The following OR3A2 variants were observed in gnomAD, a reference collection of about 807,000 sequenced individuals.
The protein encoded by OR3A2 is olfactory receptor 3A2.
For missense variants in OR3A2, 318 were observed against 392.8 expected (o/e 0.81, Z 1.61); for synonymous variants, 126 against 159.3 (o/e 0.79, Z 1.57).
At chr17:3,385,847 T>G in intron 1 of OR3A2, 1 of 398,548 alleles carries the variant, frequency 2.5e-6, no homozygotes, top group East Asian at 3.6e-5. Flanking sequence ...AACCTCAACA[T>G]GCAGGAAGTC....
chr17:3,369,329 A>G (rs1314157425), intron 2 of OR3A2, among the ~76,000 whole-genome samples: 1 of 152,130 alleles, frequency 6.6e-6, no homozygotes, highest in African/African-American at 2.4e-5. Context: ...CTCAGGGGGA[A>G]GGCTTTCAAC....
At chr17:3,384,345 A>C (rs140940540) in intron 1 of OR3A2, among the ~76,000 whole-genome samples, 8 of 152,366 alleles carry the variant, frequency 5.3e-5, no homozygotes, top group African/African-American at 1.7e-4. Context: ...GATTTTGTGC[A>C]CTGAGGACAG....
intron 1 of OR3A2, among the ~76,000 whole-genome samples, chr17:3,280,413 A>T (rs1402120154): frequency 6.6e-6 from 1 of 151,764 alleles, no homozygotes; most frequent in Non-Finnish European, 1.5e-5. Context: ...CTGGGACTAC[A>T]GGCGCCCACC....
At position 3,334,555 on chromosome 17, in the gene OR3A2, G is replaced by A. The variant is rs139469781; in HGVS notation, c.-85+1478C>T. Among the ~76,000 whole-genome samples the A allele has an allele frequency of 9.0e-3, 1,373 of 152,124 alleles. 21 individuals carry two copies. The highest frequency in any genetic ancestry group is 0.031 in the African/African-American group (1,295 of 41,504). On this transcript the variant is annotated intron_variant, in intron 3 of 4. Transcript: ENST00000573491. Reference sequence around the variant, plus strand: ...TTCATGCCTCATTCTGGAAATTTCCGTCATTACTCTCTTTCCTCCCAAATG... The same window carrying A: ...TTCATGCCTCATTCTGGAAATTTCCATCATTACTCTCTTTCCTCCCAAATG...
intron 3 of OR3A2, among the ~76,000 whole-genome samples, chr17:3,330,157 GT>G (rs1285339431): frequency 6.6e-6 from 1 of 150,408 alleles, no homozygotes; most frequent in Non-Finnish European, 1.5e-5. Flanking sequence ...TGGAATAGGT[GT>G]GGTGTGGTGC....
At chr17:3,361,114 T>C (rs1362862445) in intron 2 of OR3A2, among the ~76,000 whole-genome samples, 2 of 151,474 alleles carry the variant, frequency 1.3e-5, no homozygotes, top group African/African-American at 4.9e-5. Context: ...TTTGTAGTTC[T>C]CCTTGAAGAG....
chr17:3,341,803 T>C (rs1043500737), intron 2 of OR3A2, among the ~76,000 whole-genome samples: 1 of 152,164 alleles, frequency 6.6e-6, no homozygotes, highest in African/African-American at 2.4e-5. Context: ...GAATTTGAAT[T>C]TTGGACTGCC....
At chr17:3,353,139 A>G (rs578197138) in intron 2 of OR3A2, among the ~76,000 whole-genome samples, 9 of 148,418 alleles carry the variant, frequency 6.1e-5, no homozygotes, top group African/African-American at 2.0e-4. Flanking sequence ...TTTGAAGGGT[A>G]TATCTAGGTT....
At chr17:3,375,228 TTC>T (rs1206827433) in intron 2 of OR3A2, among the ~76,000 whole-genome samples, 1 of 83,310 alleles carries the variant, frequency 1.2e-5, no homozygotes, top group Non-Finnish European at 2.1e-5. Context: ...CTTTTTTTTT[TTC>T]TTTTTTTTTT....
At chr17:3,291,619 G>A (rs1654393812) in intron 3 of OR3A2, 2 of 1,563,312 alleles carry the variant, frequency 1.3e-6, no homozygotes, top group South Asian at 2.4e-5. Context: ...GGGAGAAAGG[G>A]TCAATTGAGA....
chr17:3,341,542 T>G (rs1396319918), intron 2 of OR3A2, among the ~76,000 whole-genome samples: 3 of 152,198 alleles, frequency 2.0e-5, no homozygotes, highest in Non-Finnish European at 4.4e-5. Flanking sequence ...TGGCTAGATA[T>G]GAAATTCTGG....
At chr17:3,353,585 G>C (rs2049438756) in intron 2 of OR3A2, among the ~76,000 whole-genome samples, 1 of 151,720 alleles carries the variant, frequency 6.6e-6, no homozygotes, top group African/African-American at 2.4e-5. Flanking sequence ...AGGGATGTTG[G>C]ATTTTATCAA....
At chr17:3,300,419 C>T (rs952716449) in intron 3 of OR3A2, among the ~76,000 whole-genome samples, 5 of 152,102 alleles carry the variant, frequency 3.3e-5, no homozygotes, top group African/African-American at 1.2e-4. Context: ...ATTAGCTGGG[C>T]ATGGTGGCAC....
At chr17:3,315,271 C>G (rs2049072279) in intron 3 of OR3A2, among the ~76,000 whole-genome samples, 1 of 152,200 alleles carries the variant, frequency 6.6e-6, no homozygotes, top group Admixed American at 6.5e-5. Context: ...AGACTGCTTT[C>G]CACAGGGGCT....
chr17:3,278,510 G>T (rs751727551), exon 2 of OR3A2: 1 of 1,614,008 alleles, frequency 6.2e-7, no homozygotes, highest in South Asian at 1.1e-5. Context: ...TCATGCGGGT[G>T]CTGTAGGTGA....
intron 3 of OR3A2, among the ~76,000 whole-genome samples, chr17:3,299,009 T>C (rs1238072956): frequency 6.6e-6 from 1 of 152,192 alleles, no homozygotes; most frequent in Non-Finnish European, 1.5e-5. Flanking sequence ...ATGCTTTTGA[T>C]TTTCTCAAAG....
chr17:3,318,858 T>C (rs532973257), intron 3 of OR3A2, among the ~76,000 whole-genome samples: 1 of 152,324 alleles, frequency 6.6e-6, no homozygotes, highest in South Asian at 2.1e-4. Context: ...GAGGGCCACT[T>C]TCCTAACCCT....
At chr17:3,289,959 G>A (rs978600621) in intron 3 of OR3A2, among the ~76,000 whole-genome samples, 1 of 152,070 alleles carries the variant, frequency 6.6e-6, no homozygotes, top group Non-Finnish European at 1.5e-5. Context: ...TGGGCAGTTC[G>A]TCACAAATTT....
intron 2 of OR3A2, among the ~76,000 whole-genome samples, chr17:3,348,338 G>A (rs980386557): frequency 5.3e-5 from 8 of 152,222 alleles, no homozygotes; most frequent in East Asian, 3.9e-4. Context: ...TGTCCTGAAT[G>A]GTAATGCCTA....
Sources: gnomAD v4.1 joint callset for allele counts (sites outside exome capture counted in the v4.1 genomes callset) on GRCh38, gnomAD v4.1.1 for gene constraint, MANE v1.5 for transcripts, NCBI Gene and HGNC (gene_info 2026-07-23, HGNC 2026-07-21) for gene names.